The following DECR1 variants were observed in gnomAD, a reference collection of about 807,000 sequenced individuals.
The protein encoded by DECR1 is 2,4-dienoyl-CoA reductase [(3E)-enoyl-CoA-producing], mitochondrial.
In DECR1, 44 loss-of-function variants were observed where a neutral mutation model predicts 38.8. The observed-to-expected ratio is 1.13, with a 90% CI of 0.89 to 1.46. The LOEUF (loss-of-function observed/expected upper bound fraction) is 1.46, where lower values mean the gene tolerates loss of function less well. DECR1 is among the 40% of genes most tolerant of loss of function. The pLI is 0.00. For missense variants in DECR1, 428 were observed against 405.5 expected (o/e 1.06, Z -0.48); for synonymous variants, 148 against 135.2 (o/e 1.09, Z -0.66).
intron 6 of DECR1, among the ~76,000 whole-genome samples, chr8:90,042,169 C>T (rs1362131525): frequency 6.6e-6 from 1 of 152,060 alleles, no homozygotes; most frequent in African/African-American, 2.4e-5. Context: ...CCTAGTTAGA[C>T]ATGGATGTGG....
chr8:90,022,728 C>T (rs960270532), intron 5 of DECR1, among the ~76,000 whole-genome samples: 1 of 152,030 alleles, frequency 6.6e-6, no homozygotes, highest in African/African-American at 2.4e-5. Context: ...CTCTGTTTCT[C>T]TCTTCATCTG....
chr8:90,001,920 G>A (rs1812623288), intron 1 of DECR1, among the ~76,000 whole-genome samples: 1 of 151,840 alleles, frequency 6.6e-6, no homozygotes, highest in South Asian at 2.1e-4. Context: ...ACAAAGAGAG[G>A]ACCCGGCGTC....
At chr8:90,001,625 G>T in intron 1 of DECR1, 64 bp downstream of exon 1, 1 of 1,450,158 alleles carries the variant, frequency 6.9e-7, no homozygotes, top group South Asian at 1.2e-5. Context: ...AGAGAGGACA[G>T]GGCGTCACGG....
At chr8:90,017,703 C>T (rs1277835415) in intron 2 of DECR1, among the ~76,000 whole-genome samples, 1 of 152,110 alleles carries the variant, frequency 6.6e-6, no homozygotes, top group Non-Finnish European at 1.5e-5. Context: ...GCAGGAAGAT[C>T]ACTTGAAGCC....
At chr8:90,051,070 T>C (rs2130188440) in intron 8 of DECR1, among the ~76,000 whole-genome samples, 1 of 151,884 alleles carries the variant, frequency 6.6e-6, no homozygotes, top group East Asian at 1.9e-4. Flanking sequence ...ATATACCTAA[T>C]GTAAATGACG....
intron 5 of DECR1, among the ~76,000 whole-genome samples, chr8:90,026,553 T>C (rs984052334): frequency 6.6e-6 from 1 of 152,240 alleles, no homozygotes; most frequent in Non-Finnish European, 1.5e-5. Flanking sequence ...TGTATTTCTG[T>C]GGGATCGGTG....
At chr8:90,025,753 A>C (rs148312866) in intron 5 of DECR1, among the ~76,000 whole-genome samples, 6,508 of 152,190 alleles carry the variant, frequency 0.043, 283 homozygotes, top group East Asian at 0.19. Flanking sequence ...AACTTCCAAC[A>C]CTATGTTGAA....
chr8:90,017,474 C>T (rs1272376951), intron 2 of DECR1, 148 bp downstream of exon 2: 1 of 508,980 alleles, frequency 2.0e-6, no homozygotes, highest in East Asian at 3.3e-5. Flanking sequence ...TATTTAAATA[C>T]ATCTTTTTGG....
At chr8:90,050,648 A>G (rs1054902503) in intron 8 of DECR1, among the ~76,000 whole-genome samples, 2 of 152,210 alleles carry the variant, frequency 1.3e-5, no homozygotes, top group African/African-American at 4.8e-5. Context: ...TAGAAATACC[A>G]TTTGACCCAG....
intron 6 of DECR1, chr8:90,042,485 C>T (rs930658508): frequency 9.6e-6 from 5 of 519,848 alleles, no homozygotes; most frequent in Non-Finnish European, 1.4e-5. Context: ...AGTAGAGTGA[C>T]TAAGGGTACA....
intron 5 of DECR1, among the ~76,000 whole-genome samples, chr8:90,033,138 A>C (rs1309730991): frequency 1.3e-5 from 2 of 152,150 alleles, no homozygotes; most frequent in Non-Finnish European, 2.9e-5. Context: ...ATTGGAACTA[A>C]ATTTGTTTAG....
intron 8 of DECR1, 81 bp downstream of exon 8, chr8:90,045,076 C>A: frequency 2.4e-6 from 3 of 1,272,578 alleles, no homozygotes; most frequent in Non-Finnish European, 2.3e-6. Flanking sequence ...CCAATCCTGA[C>A]AATGCTGAAT....
intron 6 of DECR1, among the ~76,000 whole-genome samples, chr8:90,041,189 C>T (rs1487617321): frequency 6.6e-6 from 1 of 151,860 alleles, no homozygotes; most frequent in East Asian, 1.9e-4. Flanking sequence ...GATGGTATCT[C>T]GTGGTTTTGA....
intron 8 of DECR1, among the ~76,000 whole-genome samples, chr8:90,047,033 CACT>C (rs1813926140): frequency 6.6e-6 from 1 of 152,080 alleles, no homozygotes; most frequent in Admixed American, 6.5e-5. Context: ...CTGAAGGAAG[CACT>C]AAACATGGAA....
intron 1 of DECR1, among the ~76,000 whole-genome samples, chr8:90,011,220 AATAATTAAAAAATAATAC>A (rs1554572849): frequency 6.6e-6 from 1 of 152,192 alleles, no homozygotes; most frequent in Non-Finnish European, 1.5e-5. Context: ...ATACTTATTG[AATAATTAAAAAATAATAC>A]ATCTATAGCA....
At chr8:90,026,490 G>T (rs559960477) in intron 5 of DECR1, among the ~76,000 whole-genome samples, 1 of 152,306 alleles carries the variant, frequency 6.6e-6, no homozygotes, top group East Asian at 1.9e-4. Flanking sequence ...ATTTCTTCCA[G>T]ATTTTCTAGT....
At chr8:90,009,517 T>G (rs1812831369) in intron 1 of DECR1, among the ~76,000 whole-genome samples, 2 of 151,100 alleles carry the variant, frequency 1.3e-5, no homozygotes. Flanking sequence ...TTTTTTTTAC[T>G]GCCGTACTGC....
chr8:90,050,442 A>T (rs1207370399), intron 8 of DECR1, among the ~76,000 whole-genome samples: 3 of 152,246 alleles, frequency 2.0e-5, no homozygotes, highest in African/African-American at 7.2e-5. Flanking sequence ...ATCACTGGCC[A>T]TCAGAGAAAT....
chr8:90,017,225 T>C lies in DECR1; in HGVS notation c.171T>C (p.Phe57=). ...LQKAMLPPNS[F]QGKVAFITGG... is the part of the protein sequence containing the mutation. ...AAGCGATGCTACCACCTAATAGTTT[T>C]CAAGGAAAAGTGGCATTCATTACTG... Residue 57 remains phenylalanine, a synonymous_variant, in exon 2 of 10, where the codon TTT becomes TTC. Coordinates refer to ENST00000220764, the MANE Select transcript of DECR1 (RefSeq NM_001359.2). 6.2e-7 allele frequency: 1 copy of C among 1,614,230 alleles called. No homozygotes were observed. The highest frequency in any genetic ancestry group is 8.5e-7 in the Non-Finnish European group (1 of 1,180,034).
Sources: gnomAD v4.1 joint callset for allele counts (sites outside exome capture counted in the v4.1 genomes callset) on GRCh38, gnomAD v4.1.1 for gene constraint, MANE v1.5 for transcripts, NCBI Gene and HGNC (gene_info 2026-07-23, HGNC 2026-07-21) for gene names.